PRIM2: variants seen among roughly 807,000 people sequenced by gnomAD.
PRIM2 encodes DNA primase subunit 2.
In PRIM2, 39 loss-of-function variants were observed where a neutral mutation model predicts 67.3. That is an observed-to-expected ratio of 0.58 (90% CI 0.45 to 0.76). PRIM2 has a LOEUF of 0.76. Among genes scored for constraint, PRIM2 ranks in the 30% least tolerant of loss-of-function variants. The pLI, the probability that PRIM2 is intolerant of heterozygous loss-of-function variation, is 0.00. For missense variants in PRIM2, 398 were observed against 598.7 expected (o/e 0.66, Z 3.50); for synonymous variants, 143 against 198.7 (o/e 0.72, Z 2.36).
chr6:57,484,453 A>C (rs1405296189), intron 7 of PRIM2, among the ~76,000 whole-genome samples: 15 of 152,200 alleles, frequency 9.9e-5, no homozygotes, highest in African/African-American at 3.6e-4. Context: ...GACTGAGAAG[A>C]AACTCATGTG....
At chr6:57,345,478 G>A (rs868188368) in intron 5 of PRIM2, among the ~76,000 whole-genome samples, 13 of 70,848 alleles carry the variant, frequency 1.8e-4, no homozygotes, top group Non-Finnish European at 3.5e-4. Flanking sequence ...ATATATATGT[G>A]TGTGTGTGTG....
the PRIM2 span, among the ~76,000 whole-genome samples, chr6:57,301,192 A>T: frequency 6.6e-6 from 1 of 152,212 alleles, no homozygotes. Context: ...GGTAGTCTTA[A>T]GAATGGGAGA....
intron 10 of PRIM2, among the ~76,000 whole-genome samples, chr6:57,596,900 G>A (rs1286571888): frequency 7.9e-5 from 12 of 152,270 alleles, no homozygotes; most frequent in African/African-American, 1.9e-4. Context: ...TAGCACAGCC[G>A]TGTAAACTTA....
chr6:57,334,494 T>C (rs1236335355), intron 5 of PRIM2, among the ~76,000 whole-genome samples: 1 of 152,134 alleles, frequency 6.6e-6, no homozygotes, highest in East Asian at 1.9e-4. Flanking sequence ...ATATTGTTTT[T>C]CATTTCTACA....
chr6:57,644,930 A>G (rs1269889405), intron 13 of PRIM2, among the ~76,000 whole-genome samples: 5 of 152,214 alleles, frequency 3.3e-5, no homozygotes, highest in Non-Finnish European at 7.3e-5. Flanking sequence ...GATACTCAAA[A>G]TTAAAGTTTA....
intron 5 of PRIM2, among the ~76,000 whole-genome samples, chr6:57,327,030 A>G (rs1767889135): frequency 1.3e-5 from 2 of 150,920 alleles, no homozygotes; most frequent in Non-Finnish European, 2.9e-5. Context: ...CAGCCTCCTG[A>G]GTAGCTGTGA....
At chr6:57,398,122 G>A (rs2894845) in intron 7 of PRIM2, among the ~76,000 whole-genome samples, 1 of 151,720 alleles carries the variant, frequency 6.6e-6, no homozygotes, top group Non-Finnish European at 1.5e-5. Context: ...ACCACACCCA[G>A]GTAATTTTTG....
chr6:57,273,291 C>T, the PRIM2 span, among the ~76,000 whole-genome samples: 1 of 152,210 alleles, frequency 6.6e-6, no homozygotes, highest in Non-Finnish European at 1.5e-5. Flanking sequence ...GGTCTTTTCA[C>T]ATAGTCCCAT....
At chr6:57,588,078 TG>T (rs1456320848) in intron 10 of PRIM2, among the ~76,000 whole-genome samples, 2 of 152,098 alleles carry the variant, frequency 1.3e-5, no homozygotes, top group Non-Finnish European at 2.9e-5. Flanking sequence ...TAGGTTGAAG[TG>T]GGCAAAGGAA....
intron 8 of PRIM2, among the ~76,000 whole-genome samples, chr6:57,523,675 A>G (rs1259307256): frequency 6.6e-5 from 10 of 150,998 alleles, no homozygotes; most frequent in African/African-American, 2.4e-4. Context: ...AGGTGTGATG[A>G]TCCATCTTCT....
At chr6:57,502,723 G>A (rs1170917712) in intron 7 of PRIM2, among the ~76,000 whole-genome samples, 5 of 152,132 alleles carry the variant, frequency 3.3e-5, no homozygotes, top group Non-Finnish European at 2.9e-5. Context: ...ATGGCCATCC[G>A]GCAGGCTGCA....
the PRIM2 span, among the ~76,000 whole-genome samples, chr6:57,226,183 A>G: frequency 1.3e-5 from 2 of 152,230 alleles, no homozygotes; most frequent in Non-Finnish European, 2.9e-5. Flanking sequence ...AAGTATACAA[A>G]TACACACATA....
chr6:57,265,413 AAGTCTCTCT>A, the PRIM2 span, among the ~76,000 whole-genome samples: 1 of 152,160 alleles, frequency 6.6e-6, no homozygotes, highest in South Asian at 2.1e-4. Context: ...CTTTAATATA[AAGTCTCTCT>A]GGTGCATCTG....
chr6:57,579,801 G>A (rs1321253095), intron 10 of PRIM2, among the ~76,000 whole-genome samples: 5 of 152,122 alleles, frequency 3.3e-5, no homozygotes, highest in African/African-American at 1.2e-4. Context: ...GTGGGCATGG[G>A]GAGGGAGGGT....
chr6:57,292,079 T>C, the PRIM2 span, among the ~76,000 whole-genome samples: 20 of 152,302 alleles, frequency 1.3e-4, no homozygotes, highest in South Asian at 4.1e-3. Context: ...GATGACATGA[T>C]TGTATATTTA....
intron 7 of PRIM2, among the ~76,000 whole-genome samples, chr6:57,421,271 A>C (rs1771451850): frequency 6.6e-6 from 1 of 152,220 alleles, no homozygotes; most frequent in Non-Finnish European, 1.5e-5. Context: ...ATTTGAGTCA[A>C]AAATTTTATT....
intron 10 of PRIM2, among the ~76,000 whole-genome samples, chr6:57,587,430 C>T (rs1447762440): frequency 3.9e-5 from 6 of 151,986 alleles, no homozygotes; most frequent in South Asian, 2.1e-4. Context: ...TTTGGGAGGC[C>T]GAGGCAGGCT....
At chr6:57,264,290 G>A in the PRIM2 span, among the ~76,000 whole-genome samples, 1 of 152,134 alleles carries the variant, frequency 6.6e-6, no homozygotes, top group Non-Finnish European at 1.5e-5. Flanking sequence ...TCTTTAGTGT[G>A]TATTTATAAT....
At chr6:57,236,522 C>T in the PRIM2 span, among the ~76,000 whole-genome samples, 12 of 152,126 alleles carry the variant, frequency 7.9e-5, no homozygotes, top group East Asian at 2.3e-3. Context: ...CCCATTAACT[C>T]GTCATTTACA....
Sources: gnomAD v4.1 joint callset for allele counts (sites outside exome capture counted in the v4.1 genomes callset) on GRCh38, gnomAD v4.1.1 for gene constraint, MANE v1.5 for transcripts, NCBI Gene and HGNC (gene_info 2026-07-23, HGNC 2026-07-21) for gene names.